The following BPIFA3 variants were observed in gnomAD, a reference collection of about 807,000 sequenced individuals.
BPIFA3 encodes BPI fold containing family A member 3.
Under a neutral mutation model 29.7 loss-of-function variants are expected in BPIFA3, and 32 were observed. That is an observed-to-expected ratio of 1.08 (90% CI 0.81 to 1.45). The LOEUF (loss-of-function observed/expected upper bound fraction) is 1.45. Ranked by LOEUF, BPIFA3 falls within the 40% of genes most tolerant of loss-of-function variation. The pLI is 0.00. For synonymous variants in BPIFA3, 112 were observed against 113.7 expected, an observed-to-expected ratio of 0.98 and a Z score of 0.10; for missense variants, 323 against 311.3, an observed-to-expected ratio of 1.04 and a Z score of -0.28.
intron 1 of BPIFA3, among the ~76,000 whole-genome samples, chr20:33,221,538 G>C (rs534066359): frequency 9.2e-5 from 14 of 152,272 alleles, no homozygotes; most frequent in African/African-American, 3.4e-4. Context: ...TCTTTTCTTG[G>C]TACTGTCCTT....
intron 6 of BPIFA3, 102 bp from the exon 7 acceptor site, chr20:33,227,436 G>A (rs952609914): frequency 4.9e-5 from 48 of 977,704 alleles, no homozygotes; most frequent in East Asian, 9.6e-5. Context: ...GAACGCTCCC[G>A]GCACCTGCCT....
chr20:33,227,054 C>A, intron 6 of BPIFA3, 61 bp downstream of exon 6: 4 of 1,507,664 alleles, frequency 2.7e-6, no homozygotes, highest in South Asian at 1.1e-5. Flanking sequence ...GAAAGAGGTA[C>A]CCCCGGCCCT....
chr20:33,224,055 C>T lies in BPIFA3; in HGVS notation c.278+94C>T, dbSNP rs943339197. The T allele has an allele frequency of 2.1e-6, 3 of 1,460,974 alleles. No individual in the cohort carries two copies. In the African/African-American group the frequency reaches 4.2e-5, roughly 21 times the overall value. 90.5% of individuals were successfully genotyped at this position (1,460,974 alleles called of 1,614,324 possible). A position where few individuals can be genotyped will look rare whatever the true frequency, so the allele number is the denominator to read the frequency against. ...ATGGGGGGCTGGGGAGGTGCAAGGC[C>T]TGTGAAGAGGGAAGGTAGGAAGATT... is the stretch of plus-strand genomic sequence containing the variant. On this transcript the variant is annotated intron_variant, in intron 2 of 6. Transcript: ENST00000375454.
intron 1 of BPIFA3, among the ~76,000 whole-genome samples, chr20:33,222,577 TG>T (rs1985566667): frequency 1.5e-5 from 2 of 133,190 alleles, no homozygotes; most frequent in African/African-American, 8.3e-5. Context: ...GATGGATGGA[TG>T]GATGGATGGA....
At chr20:33,225,000 C>T in intron 3 of BPIFA3, 98 bp from the exon 4 acceptor site, 3 of 1,145,684 alleles carry the variant, frequency 2.6e-6, no homozygotes, top group South Asian at 2.8e-5. Context: ...AGGGGAAGCC[C>T]TAACGGTGGA....
At chr20:33,224,652 T>C (rs1985692361) in intron 3 of BPIFA3, among the ~76,000 whole-genome samples, 190 bp downstream of exon 3, 1 of 152,198 alleles carries the variant, frequency 6.6e-6, no homozygotes, top group African/African-American at 2.4e-5. Context: ...TGACAATCAT[T>C]AGTCAGTGGA....
At chr20:33,227,130 A>G (rs1239626247) in intron 6 of BPIFA3, 137 bp downstream of exon 6, 4 of 725,298 alleles carry the variant, frequency 5.5e-6, no homozygotes, top group Admixed American at 2.1e-5. Context: ...AGAGGTGACC[A>G]TATTATGATG....
intron 2 of BPIFA3, 81 bp from the exon 3 acceptor site, chr20:33,224,274 A>G: frequency 8.7e-7 from 1 of 1,152,598 alleles, no homozygotes; most frequent in Non-Finnish European, 1.3e-6. Context: ...TTATAGTCGG[A>G]CAGCCTTGTT....
intron 3 of BPIFA3, 66 bp from the exon 4 acceptor site, chr20:33,225,032 C>T (rs978593663): frequency 1.2e-4 from 173 of 1,494,490 alleles, no homozygotes; most frequent in Non-Finnish European, 8.3e-5. Context: ...TTTGCCAATA[C>T]GGAGATTTCT....
At position 33,227,552 on chromosome 20, in the gene BPIFA3, C is replaced by T. The variant is rs117639923; in HGVS notation, c.700C>T (p.His234Tyr). The change falls in exon 7 of 7, where the codon CAT becomes TAT. Residue 234 changes from histidine (H) to tyrosine (Y), a missense_variant. Physicochemically the swap from His to Tyr is moderately conservative, Grantham distance 83. Transcript: ENST00000375454. The stretch of plus-strand genomic sequence containing the variant: ...TCTCCTTACAGAACAGGAGGCTGCT[C>T]ATGAACCAACCCACCATGAAACCAG... ...LKSLIEQEAA[H>Y]EPTHHETSQP... 7.7e-4 allele frequency: 1,248 copies of T among 1,614,048 alleles called. 3 individuals carry two copies. Among genetic ancestry groups the T allele is most frequent in the Non-Finnish European group, 1.0e-3 (1,195 of 1,179,938 alleles).
chr20:33,226,474 A>T lies in BPIFA3; in HGVS notation c.605A>T (p.His202Leu). 1 of 1,607,650 alleles carries T rather than the reference A, an allele frequency of 6.2e-7. No homozygotes were observed. The highest frequency in any genetic ancestry group is 1.7e-5 in the Admixed American group (1 of 59,172). Reference protein sequence around the residue: ...LKENLQKVLPHMVESQVCPLI... With the variant: ...LKENLQKVLPLMVESQVCPLI... ...GAGAATCTGCAAAAAGTTCTCCCAC[A>T]CATGGTAGAAAGTCAGGTAAGTTTA... The change falls in exon 5 of 7, where the codon CAC (histidine) becomes CTC (leucine). Residue 202 changes from histidine (H) to leucine (L), a missense_variant. His to Leu is a moderately conservative substitution (Grantham distance 99, BLOSUM62 -3). Transcript: ENST00000375454.
intron 5 of BPIFA3, 152 bp from the exon 6 acceptor site, chr20:33,226,778 G>A: frequency 1.3e-6 from 1 of 775,828 alleles, no homozygotes; most frequent in Non-Finnish European, 2.2e-6. Flanking sequence ...GCATGACACT[G>A]AGCAGGTAGT....
At chr20:33,222,208 T>C (rs1985544463) in intron 1 of BPIFA3, among the ~76,000 whole-genome samples, 1 of 152,262 alleles carries the variant, frequency 6.6e-6, no homozygotes, top group African/African-American at 2.4e-5. Context: ...CCAGACTAGA[T>C]TTTGTCTATT....
At chr20:33,217,710 G>A in intron 1 of BPIFA3, 47 bp downstream of exon 1, 1 of 1,575,310 alleles carries the variant, frequency 6.3e-7, no homozygotes, top group East Asian at 2.3e-5. Flanking sequence ...GGCTGGGGAG[G>A]TGGGAAGGTG....
intron 2 of BPIFA3, 148 bp downstream of exon 2, chr20:33,224,109 A>C (rs1427104981): frequency 1.2e-5 from 13 of 1,120,306 alleles, no homozygotes; most frequent in Non-Finnish European, 1.5e-5. Flanking sequence ...AGGCCCACAC[A>C]AGGAACAGTG....
intron 4 of BPIFA3, chr20:33,225,497 C>T: frequency 1.9e-6 from 1 of 514,100 alleles, no homozygotes; most frequent in East Asian, 3.2e-5. Context: ...TAGCCCTCAG[C>T]TTCTCTCTTT....
intron 2 of BPIFA3, 46 bp from the exon 3 acceptor site, chr20:33,224,309 C>T: frequency 1.3e-6 from 2 of 1,506,702 alleles, no homozygotes; most frequent in Non-Finnish European, 1.8e-6. Flanking sequence ...CTTACCTGTT[C>T]TGAAGTCCCT....
intron 1 of BPIFA3, among the ~76,000 whole-genome samples, chr20:33,222,750 G>C (rs1480437708): frequency 1.3e-5 from 2 of 152,146 alleles, no homozygotes; most frequent in African/African-American, 2.4e-5. Flanking sequence ...GGTGTCTGCT[G>C]CTCACAAATT....
At chr20:33,223,610 G>A (rs898303364) in intron 1 of BPIFA3, 1 of 571,832 alleles carries the variant, frequency 1.7e-6, no homozygotes, top group South Asian at 3.0e-5. Flanking sequence ...CTCTGCAGGT[G>A]TTTTTCTTTA....
Sources: gnomAD v4.1 joint callset for allele counts (sites outside exome capture counted in the v4.1 genomes callset) on GRCh38, gnomAD v4.1.1 for gene constraint, MANE v1.5 for transcripts, NCBI Gene and HGNC (gene_info 2026-07-23, HGNC 2026-07-21) for gene names.